TSHR: variants seen among roughly 807,000 people sequenced by gnomAD.
The protein encoded by TSHR is thyroid stimulating hormone receptor.
A neutral mutation model predicts 64.1 loss-of-function variants in TSHR; 51 were observed. The observed-to-expected ratio is 0.80, with a 90% CI of 0.64 to 1.01. The LOEUF (loss-of-function observed/expected upper bound fraction) is 1.01, where lower values mean the gene tolerates loss of function less well. TSHR is among the 50% of genes least tolerant of loss of function. The probability of loss-of-function intolerance (pLI) is 0.00; values close to 1 mark genes in which losing one functional copy is unlikely to be tolerated. For synonymous variants in TSHR, 361 were observed against 361.9 expected (o/e 1.00, Z 0.03); for missense variants, 877 against 942.8 (o/e 0.93, Z 0.91).
At chr14:81,023,163 T>A (rs2139805194) in intron 1 of TSHR, among the ~76,000 whole-genome samples, 1 of 152,336 alleles carries the variant, frequency 6.6e-6, no homozygotes, top group African/African-American at 2.4e-5. Context: ...TAAAGCAGAT[T>A]GACCTGAATA....
intron 1 of TSHR, among the ~76,000 whole-genome samples, chr14:80,970,425 G>A (rs1887533721): frequency 6.6e-6 from 1 of 152,222 alleles, no homozygotes; most frequent in Non-Finnish European, 1.5e-5. Context: ...TACTAGGGCA[G>A]AATAGCATGT....
At chr14:81,002,391 C>T (rs1454219722) in intron 1 of TSHR, among the ~76,000 whole-genome samples, 1 of 152,224 alleles carries the variant, frequency 6.6e-6, no homozygotes, top group East Asian at 1.9e-4. Context: ...GTTTACTTAA[C>T]CCGTCTGTGC....
chr14:81,057,771 C>A (rs530268950), intron 1 of TSHR, among the ~76,000 whole-genome samples: 1 of 152,270 alleles, frequency 6.6e-6, no homozygotes, highest in East Asian at 1.9e-4. Flanking sequence ...ATAGGACACA[C>A]AAGTGGGAAG....
At chr14:80,992,480 A>G (rs916655739) in intron 1 of TSHR, 1 of 151,628 alleles carries the variant, frequency 6.6e-6, no homozygotes, top group African/African-American at 2.4e-5. Flanking sequence ...CTTTACACAT[A>G]CTACTGTTGT....
At chr14:81,085,040 C>T (rs912895595) in intron 3 of TSHR, among the ~76,000 whole-genome samples, 1 of 152,218 alleles carries the variant, frequency 6.6e-6, no homozygotes, top group African/African-American at 2.4e-5. Context: ...CAGCTCACTG[C>T]AACCTCTGCC....
intron 8 of TSHR, among the ~76,000 whole-genome samples, chr14:81,112,046 G>C (rs1222560343): frequency 6.6e-6 from 1 of 151,910 alleles, no homozygotes; most frequent in African/African-American, 2.4e-5. Context: ...CAAGTTAAGA[G>C]GATTTGTGAA....
intron 3 of TSHR, among the ~76,000 whole-genome samples, chr14:81,079,941 G>C (rs1220764914): frequency 2.7e-4 from 2 of 7,308 alleles, no homozygotes; most frequent in Non-Finnish European, 1.0e-3. Flanking sequence ...TTTGGGTTTT[G>C]TTTGTTTGTT....
chr14:81,040,268 G>A (rs1884856207), intron 1 of TSHR, among the ~76,000 whole-genome samples: 3 of 151,840 alleles, frequency 2.0e-5, no homozygotes, highest in African/African-American at 7.3e-5. Flanking sequence ...TCCACAAGCA[G>A]AAGAATGAAA....
At chr14:81,142,792 T>C in intron 9 of TSHR, 148 bp from the exon 10 acceptor site, 2 of 720,422 alleles carry the variant, frequency 2.8e-6, no homozygotes, top group Admixed American at 2.1e-5. Context: ...GCATTTTTTA[T>C]AGAGATGGGA....
intron 8 of TSHR, among the ~76,000 whole-genome samples, chr14:81,134,596 T>C (rs1472780444): frequency 6.6e-6 from 1 of 152,136 alleles, no homozygotes; most frequent in Non-Finnish European, 1.5e-5. Flanking sequence ...TCAGCTCTCA[T>C]GAAGCTAAAA....
At chr14:81,029,612 T>C (rs1333685092) in intron 1 of TSHR, among the ~76,000 whole-genome samples, 4 of 152,208 alleles carry the variant, frequency 2.6e-5, no homozygotes, top group African/African-American at 9.6e-5. Flanking sequence ...TCTTTATGCT[T>C]ACTTTATGGA....
In TSHR at chr14:81,143,545, C is replaced by A. The variant is rs769777295; in HGVS notation, c.1487C>A (p.Thr496Lys). 3 of 1,613,374 alleles carry A rather than the reference C, an allele frequency of 1.9e-6. No homozygotes were observed. Among genetic ancestry groups the A allele is most frequent in the Admixed American group, 1.7e-5 (1 of 60,028 alleles). ...IDWQTGPGCN[T>K]AGFFTVFASE... ...TGGCAGACAGGCCCTGGGTGCAACA[C>A]GGCTGGTTTCTTCACTGTCTTTGCA... The change falls in exon 10 of 10, where the codon ACG becomes AAG. Residue 496 changes from threonine to lysine, a missense_variant. Coordinates refer to ENST00000298171, the MANE Select transcript of TSHR (RefSeq NM_000369.5).
chr14:80,997,312 C>T (rs1889073539), intron 1 of TSHR, among the ~76,000 whole-genome samples: 1 of 152,326 alleles, frequency 6.6e-6, no homozygotes, highest in Non-Finnish European at 1.5e-5. Context: ...ATCCCCACCT[C>T]GGGATAATTC....
At chr14:81,117,230 T>C (rs1398375901) in intron 8 of TSHR, among the ~76,000 whole-genome samples, 2 of 114,444 alleles carry the variant, frequency 1.7e-5, no homozygotes, top group East Asian at 3.2e-4. Flanking sequence ...TTCAAAAAAT[T>C]AATGAATCCA....
At chr14:81,079,297 T>G (rs138792396) in intron 3 of TSHR, among the ~76,000 whole-genome samples, 1 of 152,194 alleles carries the variant, frequency 6.6e-6, no homozygotes, top group Non-Finnish European at 1.5e-5. Flanking sequence ...TTACTCCTAA[T>G]AATAATAGTG....
intron 1 of TSHR, among the ~76,000 whole-genome samples, chr14:80,967,305 A>G (rs1035388347): frequency 2.5e-5 from 2 of 81,298 alleles, no homozygotes; most frequent in African/African-American, 8.7e-5. Flanking sequence ...TTTTTTTTTG[A>G]GACAGAGTCT....
intron 8 of TSHR, among the ~76,000 whole-genome samples, chr14:81,114,776 C>G (rs1317795578): frequency 2.6e-5 from 4 of 152,224 alleles, no homozygotes; most frequent in Non-Finnish European, 5.9e-5. Flanking sequence ...ACTTAAATGT[C>G]CCTGTCTGAC....
chr14:81,092,702 A>G, intron 6 of TSHR, 94 bp downstream of exon 6: 1 of 1,086,882 alleles, frequency 9.2e-7, no homozygotes, highest in Non-Finnish European at 1.4e-6. Context: ...ATACTGCCTT[A>G]TCATATATAC....
chr14:81,000,572 G>C (rs1403828214), intron 1 of TSHR, among the ~76,000 whole-genome samples: 1 of 151,422 alleles, frequency 6.6e-6, no homozygotes, highest in Non-Finnish European at 1.5e-5. Context: ...CCTACCACTG[G>C]GGTATACTCC....
Sources: gnomAD v4.1 joint callset for allele counts (sites outside exome capture counted in the v4.1 genomes callset) on GRCh38, gnomAD v4.1.1 for gene constraint, MANE v1.5 for transcripts, NCBI Gene and HGNC (gene_info 2026-07-23, HGNC 2026-07-21) for gene names.